Variants in HDX observed in about 807,000 individuals in gnomAD.
HDX encodes highly divergent homeobox, also known as chromosome X open reading frame 43.
A neutral mutation model predicts 45.2 loss-of-function variants in HDX; 19 were observed. The ratio of observed to expected loss-of-function variants is 0.42; its 90% CI spans 0.29 to 0.62. The LOEUF is 0.62. Among genes scored for constraint, HDX ranks in the 20% least tolerant of loss-of-function variants. The pLI is 0.20. For missense variants in HDX, 532 were observed against 493.9 expected (o/e 1.08, Z -0.73); for synonymous variants, 188 against 172.8 (o/e 1.09, Z -0.69).
intron 2 of HDX, among the ~76,000 whole-genome samples, chrX:84,483,340 G>C (rs2040727889): frequency 8.9e-6 from 1 of 112,412 alleles, no homozygotes; most frequent in African/African-American, 3.2e-5. Flanking sequence ...GGGACATCCA[G>C]ACATTTTCAT....
intron 4 of HDX, among the ~76,000 whole-genome samples, chrX:84,447,033 G>C (rs2039888387): frequency 8.9e-6 from 1 of 111,909 alleles, no homozygotes; most frequent in Admixed American, 9.5e-5. Flanking sequence ...TGGAATTGGT[G>C]AGAAGCAGTG....
chrX:84,336,845 C>A lies in HDX; in HGVS notation c.1696G>T (p.Ala566Ser). 1 of 1,190,413 alleles carries A rather than the reference C, an allele frequency of 8.4e-7. No homozygotes were observed. The highest frequency in any genetic ancestry group is 1.1e-6 in the Non-Finnish European group (1 of 880,145). The change falls in exon 8 of 11, where the codon GCT becomes TCT. Residue 566 changes from alanine (A) to serine (S), a missense_variant. Physicochemically the swap from Ala to Ser is moderately conservative, Grantham distance 99 (BLOSUM62 1). Coordinates refer to ENST00000373177, the MANE Select transcript of HDX (RefSeq NM_001177479.2). ...PNEVVPNDAR[A>S]HKEEDHHAVT... ...GCATGGTGGTCCTCTTCCTTATGAG[C>A]CCTTGCATCATTCGGAACAACTTCA...
intron 2 of HDX, among the ~76,000 whole-genome samples, chrX:84,484,255 C>T (rs945976684): frequency 6.3e-5 from 7 of 111,772 alleles, no homozygotes; most frequent in Admixed American, 1.9e-4. Flanking sequence ...TCTGTTCTCA[C>T]GCTGCTATAA....
intron 10 of HDX, 89 bp downstream of exon 10, chrX:84,326,089 T>C (rs988765615): frequency 1.2e-4 from 102 of 862,611 alleles, no homozygotes; most frequent in Non-Finnish European, 1.5e-4. Flanking sequence ...AAATGAAGTA[T>C]TAAAATGAAA....
Position 84,440,521 on chromosome X carries a change from A to G in HDX, c.1305+11T>C. ...AAACCCATTTGCTGCTTTAAATGAA[A>G]GATTACTTACTGCTCTTTTTCTAGA... On this transcript the variant is annotated intron_variant, in intron 5 of 10. Transcript: ENST00000373177. 8.7e-7 allele frequency: 1 copy of G among 1,145,685 alleles called. No homozygotes were observed. Among genetic ancestry groups the G allele is most frequent in the Non-Finnish European group, 1.2e-6 (1 of 838,703 alleles). The allele number at this position is 1,145,685 out of a possible 1,213,427, so 94.4% of individuals were successfully genotyped here.
intron 5 of HDX, among the ~76,000 whole-genome samples, chrX:84,418,531 A>G (rs946783707): frequency 8.9e-6 from 1 of 111,895 alleles, no homozygotes; most frequent in Non-Finnish European, 1.9e-5. Flanking sequence ...CCCAATAGTA[A>G]GAGAACTAAA....
chrX:84,416,739 A>G (rs2039111489), intron 5 of HDX, among the ~76,000 whole-genome samples: 1 of 111,891 alleles, frequency 8.9e-6, no homozygotes, highest in Non-Finnish European at 1.9e-5. Context: ...TGGTTAAATT[A>G]GTTTTAATAA....
intron 7 of HDX, among the ~76,000 whole-genome samples, chrX:84,342,554 T>A (rs868478975): frequency 1.6e-4 from 14 of 87,115 alleles, no homozygotes; most frequent in African/African-American, 5.9e-4. Context: ...AGAGAGAGAG[T>A]GTGTGTGTGT....
At chrX:84,499,794 C>G (rs1445228935) in intron 1 of HDX, among the ~76,000 whole-genome samples, 1 of 105,347 alleles carries the variant, frequency 9.5e-6, no homozygotes, top group African/African-American at 3.5e-5. Flanking sequence ...GTAAAACGAG[C>G]TCTGCAGAAG....
intron 7 of HDX, among the ~76,000 whole-genome samples, chrX:84,337,731 A>G (rs922687109): frequency 3.6e-5 from 4 of 111,622 alleles, no homozygotes; most frequent in African/African-American, 6.5e-5. Flanking sequence ...ATTTCCCAGT[A>G]CTTTCTAAAA....
At chrX:84,383,909 C>T (rs963973120) in intron 5 of HDX, among the ~76,000 whole-genome samples, 2 of 111,309 alleles carry the variant, frequency 1.8e-5, no homozygotes, top group African/African-American at 6.5e-5. Flanking sequence ...CCATAGTATT[C>T]CATGGTGTAT....
At chrX:84,421,215 A>G (rs1190875895) in intron 5 of HDX, among the ~76,000 whole-genome samples, 2 of 112,150 alleles carry the variant, frequency 1.8e-5, no homozygotes, top group East Asian at 2.8e-4. Context: ...AATAATGACA[A>G]CTTCTCAAGA....
At chrX:84,482,134 C>T (rs756322660) in intron 2 of HDX, among the ~76,000 whole-genome samples, 3 of 111,611 alleles carry the variant, frequency 2.7e-5, no homozygotes, top group Non-Finnish European at 3.8e-5. Flanking sequence ...ACACTTAGAT[C>T]GATTCCATGT....
intron 4 of HDX, among the ~76,000 whole-genome samples, chrX:84,454,131 A>G (rs151208109): frequency 1.9e-4 from 21 of 111,720 alleles, no homozygotes; most frequent in African/African-American, 3.3e-4. Flanking sequence ...TCAGTTGTGA[A>G]CAAGCACATT....
intron 5 of HDX, among the ~76,000 whole-genome samples, chrX:84,398,248 G>C (rs1279445907): frequency 1.8e-5 from 2 of 111,095 alleles, no homozygotes; most frequent in Non-Finnish European, 3.8e-5. Context: ...ATGTAAATGG[G>C]CCAAATGCCC....
intron 5 of HDX, among the ~76,000 whole-genome samples, chrX:84,390,914 A>G (rs764991829): frequency 7.2e-5 from 8 of 111,796 alleles, no homozygotes; most frequent in African/African-American, 2.6e-4. Flanking sequence ...AAGTCAGGGA[A>G]TTTGGGATAT....
At position 84,360,851 on chromosome X, in the gene HDX, T is replaced by C. The variant is rs1403745434; in HGVS notation, c.1452+615A>G. Among the ~76,000 whole-genome samples, 3 of 112,006 alleles carry C rather than the reference T, an allele frequency of 2.7e-5. No individual in the cohort carries two copies. The Admixed American group carries it at 2.9e-4, about 11-fold the overall frequency. ...GTTTGGGTTGTTTCCATTTGGATAT[T>C]ATGGAAAACTCTGTTATGAATATCA... is the stretch of plus-strand genomic sequence containing the variant. On this transcript the variant is annotated intron_variant, in intron 6 of 10. Transcript: ENST00000373177.
At chrX:84,420,888 C>CAAA (rs753781445) in intron 5 of HDX, among the ~76,000 whole-genome samples, 3 of 111,681 alleles carry the variant, frequency 2.7e-5, no homozygotes, top group African/African-American at 9.7e-5. Flanking sequence ...ACAACAACAA[C>CAAA]AAAAAACTTT....
At chrX:84,378,096 G>A (rs899748206) in intron 5 of HDX, among the ~76,000 whole-genome samples, 23 of 111,640 alleles carry the variant, frequency 2.1e-4, no homozygotes, top group African/African-American at 7.2e-4. Context: ...GGAGATAGTG[G>A]CATGACACAT....
Sources: allele counts gnomAD v4.1 joint callset (sites outside exome capture counted in the v4.1 genomes callset), GRCh38; gene constraint gnomAD v4.1.1; transcripts MANE v1.5; gene names NCBI Gene and HGNC (gene_info 2026-07-23, HGNC 2026-07-21).